The following ZNF385B variants were observed in gnomAD, a reference collection of about 807,000 sequenced individuals.
ZNF385B encodes the protein zinc finger protein 533.
A neutral mutation model predicts 39.2 loss-of-function variants in ZNF385B; 23 were observed. The observed-to-expected ratio is 0.59, with a 90% CI of 0.42 to 0.83. ZNF385B has a LOEUF of 0.83. Ranked by LOEUF, ZNF385B falls within the 40% of genes least tolerant of loss-of-function variation. ZNF385B has a pLI of 0.00. For missense variants in ZNF385B, 552 were observed against 598.9 expected, an observed-to-expected ratio of 0.92 and a Z score of 0.82; for synonymous variants, 205 against 222.6, an observed-to-expected ratio of 0.92 and a Z score of 0.70.
intron 1 of ZNF385B, among the ~76,000 whole-genome samples, chr2:179,829,243 C>T (rs546768233): frequency 6.6e-6 from 1 of 152,180 alleles, no homozygotes; most frequent in African/African-American, 2.4e-5. Flanking sequence ...AGACTATTAG[C>T]TGAAAAACAA....
In ZNF385B at chr2:179,443,333, G is replaced by C; in HGVS notation, c.1378C>G (p.Pro460Ala). Residue 460 changes from proline to alanine, a missense_variant, in exon 10 of 10, where the codon CCA becomes GCA. Physicochemically the swap from Pro to Ala is conservative, Grantham distance 27. Transcript: ENST00000410066. ...PRPSASLFQAPAIPPALLRPG... is the reference protein window; with the variant it reads ...PRPSASLFQAAAIPPALLRPG... ...CTCAGAAGAGCTGGAGGAATGGCTG[G>C]AGCCTGGAAGAGCGAGGCAGAGGGC... 6.2e-7 allele frequency: 1 copy of C among 1,612,880 alleles called. No homozygotes were observed. Among genetic ancestry groups the C allele is most frequent in the African/African-American group, 1.3e-5 (1 of 75,028 alleles).
At chr2:179,664,987 A>G (rs571016748) in intron 3 of ZNF385B, among the ~76,000 whole-genome samples, 1 of 152,200 alleles carries the variant, frequency 6.6e-6, no homozygotes, top group Non-Finnish European at 1.5e-5. Flanking sequence ...ACAGTTTATA[A>G]AAACTTGGAT....
intron 1 of ZNF385B, among the ~76,000 whole-genome samples, chr2:179,807,002 C>G (rs1706393473): frequency 6.6e-6 from 1 of 152,194 alleles, no homozygotes; most frequent in Non-Finnish European, 1.5e-5. Flanking sequence ...GGTACAAACA[C>G]TATCAGGAGG....
chr2:179,725,526 C>T (rs953931165), intron 3 of ZNF385B, among the ~76,000 whole-genome samples: 9 of 151,414 alleles, frequency 5.9e-5, no homozygotes, highest in Admixed American at 4.0e-4. Flanking sequence ...AATTTTTAGA[C>T]ATTTTCTTTG....
At chr2:179,445,519 CAAT>C in intron 8 of ZNF385B, 28 bp downstream of exon 8, 2 of 1,586,466 alleles carry the variant, frequency 1.3e-6, no homozygotes, top group Non-Finnish European at 1.7e-6. Context: ...TGACCTAAAA[CAAT>C]AATGTTTACT....
intron 1 of ZNF385B, among the ~76,000 whole-genome samples, chr2:179,843,406 C>T (rs1708643316): frequency 1.3e-5 from 2 of 152,182 alleles, no homozygotes; most frequent in South Asian, 4.1e-4. Flanking sequence ...AGTTTAGATT[C>T]ATTTTGTTAA....
chr2:179,758,957 C>A (rs972466303), intron 3 of ZNF385B, among the ~76,000 whole-genome samples: 5 of 152,158 alleles, frequency 3.3e-5, no homozygotes, highest in African/African-American at 1.2e-4. Context: ...TTCCAAACTT[C>A]TCTTGTGTTT....
intron 3 of ZNF385B, among the ~76,000 whole-genome samples, chr2:179,763,722 GA>G (rs1172017242): frequency 6.6e-6 from 1 of 152,028 alleles, no homozygotes; most frequent in African/African-American, 2.4e-5. Context: ...TTTTTCCTTT[GA>G]GACTTCTTCT....
intron 3 of ZNF385B, among the ~76,000 whole-genome samples, chr2:179,750,359 C>T (rs1175162093): frequency 6.6e-6 from 1 of 152,108 alleles, no homozygotes; most frequent in African/African-American, 2.4e-5. Flanking sequence ...CAACTCTTAT[C>T]CTTGCTTTGA....
At chr2:179,473,587 A>G (rs765196484) in intron 6 of ZNF385B, among the ~76,000 whole-genome samples, 6 of 152,320 alleles carry the variant, frequency 3.9e-5, no homozygotes, top group Admixed American at 2.0e-4. Flanking sequence ...GGTTTGTTAC[A>G]TAGGTATACC....
Position 179,510,213 on chromosome 2 carries a change from G to A in ZNF385B, c.552+8315C>T, listed in dbSNP as rs529883903. ...TATGTGTGGCCTGCAGTGAGTGTGT[G>A]TAGATATACATGTGTGTATATATAT... On this transcript the variant is annotated intron_variant, in intron 5 of 9. Transcript: ENST00000410066. 1.1e-4 allele frequency among the ~76,000 whole-genome samples: 17 copies of A among 152,218 alleles called. No homozygotes were observed. The Middle Eastern group carries it at 0.01, about 91-fold the overall frequency.
intron 3 of ZNF385B, among the ~76,000 whole-genome samples, chr2:179,602,074 T>C (rs1324778301): frequency 1.3e-5 from 2 of 152,194 alleles, no homozygotes; most frequent in Non-Finnish European, 2.9e-5. Flanking sequence ...CTCTTTGTAG[T>C]ATATTCTACA....
chr2:179,840,092 G>C (rs2106614132), intron 1 of ZNF385B, among the ~76,000 whole-genome samples: 1 of 152,368 alleles, frequency 6.6e-6, no homozygotes, highest in African/African-American at 2.4e-5. Context: ...TGCATAGGCA[G>C]AGATGGACCA....
At chr2:179,455,989 G>C (rs1417919471) in intron 6 of ZNF385B, among the ~76,000 whole-genome samples, 1 of 151,980 alleles carries the variant, frequency 6.6e-6, no homozygotes, top group African/African-American at 2.4e-5. Context: ...GTACTGCCTA[G>C]ATGTGTGTGA....
At chr2:179,644,693 G>A (rs925754) in intron 3 of ZNF385B, among the ~76,000 whole-genome samples, 151,661 of 152,294 alleles carry the variant, frequency 1, 75,520 homozygotes, top group East Asian at 1. Context: ...GGACTGGGAC[G>A]TTAGACTAAA....
chr2:179,636,134 G>T (rs1174891870), intron 3 of ZNF385B, among the ~76,000 whole-genome samples: 1 of 152,148 alleles, frequency 6.6e-6, no homozygotes, highest in Non-Finnish European at 1.5e-5. Flanking sequence ...CCAGTTGCAA[G>T]TTTACATGTT....
intron 1 of ZNF385B, among the ~76,000 whole-genome samples, chr2:179,798,951 A>G (rs958015606): frequency 7.9e-5 from 12 of 152,102 alleles, no homozygotes; most frequent in African/African-American, 2.9e-4. Flanking sequence ...TCCCTAAAAG[A>G]ATAATATTTT....
intron 3 of ZNF385B, among the ~76,000 whole-genome samples, chr2:179,580,759 A>G (rs1220358306): frequency 1.3e-5 from 2 of 152,178 alleles, no homozygotes; most frequent in Non-Finnish European, 2.9e-5. Flanking sequence ...ACTATGAAAA[A>G]TTTGTTAAGC....
intron 4 of ZNF385B, among the ~76,000 whole-genome samples, chr2:179,537,924 T>C (rs1311209802): frequency 6.6e-6 from 1 of 152,156 alleles, no homozygotes; most frequent in Non-Finnish European, 1.5e-5. Flanking sequence ...TTGAGTTATC[T>C]AAGCCTAACA....
Sources: allele counts gnomAD v4.1 joint callset (sites outside exome capture counted in the v4.1 genomes callset), GRCh38; gene constraint gnomAD v4.1.1; transcripts MANE v1.5; gene names NCBI Gene and HGNC (gene_info 2026-07-23, HGNC 2026-07-21).